The following UTRN variants were observed in gnomAD, a reference collection of about 807,000 sequenced individuals.
UTRN encodes utrophin, also known as dystrophin-related protein 1.
A neutral mutation model predicts 463.9 loss-of-function variants in UTRN; 283 were observed. The observed-to-expected ratio is 0.61, with a 90% CI of 0.55 to 0.67. UTRN has a LOEUF of 0.67. Ranked by LOEUF, UTRN falls within the 30% of genes least tolerant of loss-of-function variation. The pLI, the probability that UTRN is intolerant of heterozygous loss-of-function variation, is 0.00. For missense variants in UTRN, 3,922 were observed against 4,084.3 expected, an observed-to-expected ratio of 0.96 and a Z score of 1.08; for synonymous variants, 1,442 against 1,431.5, an observed-to-expected ratio of 1.01 and a Z score of -0.17.
intron 54 of UTRN, among the ~76,000 whole-genome samples, chr6:144,733,632 T>C (rs780116823): frequency 6.6e-6 from 1 of 152,204 alleles, no homozygotes; most frequent in Non-Finnish European, 1.5e-5. Context: ...ATTTTGGAAC[T>C]GTCTTGTCAT....
intron 33 of UTRN, among the ~76,000 whole-genome samples, chr6:144,494,556 G>A (rs1295621740): frequency 6.6e-6 from 1 of 152,186 alleles, no homozygotes; most frequent in Non-Finnish European, 1.5e-5. Context: ...GGCTCGCGCA[G>A]CCTGCTTTTA....
chr6:144,325,095 G>GAT (rs1562250571), intron 2 of UTRN, among the ~76,000 whole-genome samples: 1 of 152,180 alleles, frequency 6.6e-6, no homozygotes, highest in Admixed American at 6.5e-5. Flanking sequence ...GCATGGCAAG[G>GAT]CTCTGAATAG....
chr6:144,426,212 A>T, intron 6 of UTRN, 75 bp from the exon 7 acceptor site: 1 of 1,512,664 alleles, frequency 6.6e-7, no homozygotes. Flanking sequence ...TTGCTTTTTC[A>T]AGGACTTCAT....
chr6:144,568,395 G>C (rs1343061338), intron 50 of UTRN, among the ~76,000 whole-genome samples: 1 of 152,052 alleles, frequency 6.6e-6, no homozygotes, highest in East Asian at 1.9e-4. Flanking sequence ...AAATTCCTAA[G>C]CTTAAAATCA....
At chr6:144,470,370 C>T (rs1202767685) in intron 23 of UTRN, among the ~76,000 whole-genome samples, 1 of 150,630 alleles carries the variant, frequency 6.6e-6, no homozygotes, top group Non-Finnish European at 1.5e-5. Context: ...GGCGGAGGGG[C>T]TCCTCACTTA....
chr6:144,822,524 A>C (rs1779691596), intron 66 of UTRN, among the ~76,000 whole-genome samples: 2 of 152,254 alleles, frequency 1.3e-5, no homozygotes, highest in South Asian at 4.1e-4. Context: ...GTGTACAATT[A>C]AGATCTGTGT....
chr6:144,460,934 G>A (rs1431059947), intron 21 of UTRN, among the ~76,000 whole-genome samples: 2 of 152,180 alleles, frequency 1.3e-5, no homozygotes, highest in Non-Finnish European at 1.5e-5. Context: ...TCTTCAGAGA[G>A]ACATTTCATC....
At chr6:144,628,596 T>G (rs1157577643) in intron 51 of UTRN, among the ~76,000 whole-genome samples, 1 of 152,224 alleles carries the variant, frequency 6.6e-6, no homozygotes, top group East Asian at 1.9e-4. Flanking sequence ...ATGCTTTAGT[T>G]AAAGCTCCTT....
intron 65 of UTRN, among the ~76,000 whole-genome samples, chr6:144,805,009 G>A (rs1456809709): frequency 6.6e-6 from 1 of 152,068 alleles, no homozygotes; most frequent in Non-Finnish European, 1.5e-5. Flanking sequence ...CTAGGGATGT[G>A]GTCTTGAACT....
intron 34 of UTRN, among the ~76,000 whole-genome samples, chr6:144,500,674 T>C (rs1197790851): frequency 6.6e-6 from 1 of 152,192 alleles, no homozygotes; most frequent in Non-Finnish European, 1.5e-5. Context: ...CAATAAGTAA[T>C]CTTTCTATTG....
Position 144,554,728 on chromosome 6 carries a change from C to T in UTRN, c.6969C>T (p.Gly2323=), listed in dbSNP as rs554787092. ...ACCAGTGGGATGGCACCCAGCATGGCGTTGAGCTAAGACAGCAGCAGCTTG... is the reference window on the plus strand; with the variant it reads ...ACCAGTGGGATGGCACCCAGCATGGTGTTGAGCTAAGACAGCAGCAGCTTG... ...VKNQWDGTQH[G]VELRQQQLED... is the part of the protein sequence containing the mutation. Residue 2323 remains glycine, a synonymous_variant, in exon 49 of 75, where the codon GGC becomes GGT. Coordinates refer to ENST00000367545, the MANE Select transcript of UTRN (RefSeq NM_007124.3). 6.2e-6 allele frequency: 10 copies of T among 1,613,878 alleles called. No individual in the cohort carries two copies. The East Asian group carries it at 6.7e-5, about 11-fold the overall frequency.
chr6:144,487,753 C>A, intron 29 of UTRN, 56 bp downstream of exon 29: 3 of 1,492,678 alleles, frequency 2.0e-6, no homozygotes, highest in Non-Finnish European at 2.7e-6. Context: ...TGGAGCTGGC[C>A]CTAAGCTCCA....
At chr6:144,475,242 C>T (rs535922624) in intron 25 of UTRN, among the ~76,000 whole-genome samples, 1 of 152,164 alleles carries the variant, frequency 6.6e-6, no homozygotes, top group African/African-American at 2.4e-5. Context: ...ATAGGATGGT[C>T]AGGGAAGGAC....
Position 144,459,360 on chromosome 6 carries a change from C to T in UTRN, c.2707+6C>T. 1 of 1,572,662 alleles carries T rather than the reference C, an allele frequency of 6.4e-7. No homozygotes were observed. The highest frequency in any genetic ancestry group is 1.7e-4 in the Middle Eastern group (1 of 5,844). Reference sequence around the variant, plus strand: ...TCAACAACATCTAGAGAATGGTAAACCCAACAATTTTAAAATCTCCTGTCT... The same window carrying T: ...TCAACAACATCTAGAGAATGGTAAATCCAACAATTTTAAAATCTCCTGTCT... On this transcript the variant is annotated splice_donor_region_variant and intron_variant, in intron 21 of 74. Coordinates refer to ENST00000367545, the MANE Select transcript of UTRN (RefSeq NM_007124.3).
intron 51 of UTRN, among the ~76,000 whole-genome samples, chr6:144,611,572 T>C (rs998311930): frequency 1.3e-5 from 2 of 152,082 alleles, no homozygotes; most frequent in African/African-American, 4.8e-5. Flanking sequence ...TGACAAATTA[T>C]CCAAATAGAA....
chr6:144,664,385 C>T (rs371484716), intron 51 of UTRN, among the ~76,000 whole-genome samples: 6 of 151,792 alleles, frequency 4.0e-5, no homozygotes, highest in Non-Finnish European at 7.4e-5. Flanking sequence ...TTTGATTACA[C>T]GATCTGATTT....
At chr6:144,567,956 T>A (rs1010427072) in intron 50 of UTRN, among the ~76,000 whole-genome samples, 7 of 152,198 alleles carry the variant, frequency 4.6e-5, no homozygotes, top group African/African-American at 1.7e-4. Flanking sequence ...AAGTATTATT[T>A]AACATCTTTA....
chr6:144,840,734 T>C lies in UTRN; in HGVS notation c.10178-6T>C. ...GCTTTGTTGTTCTCTTTATTTGCTG[T>C]CACAGCGGGAGAGGACCTGCTGGCC... On this transcript the variant is annotated splice_polypyrimidine_tract_variant and splice_region_variant and intron_variant, in intron 72 of 74. Coordinates refer to ENST00000367545, the MANE Select transcript of UTRN (RefSeq NM_007124.3). 6.2e-7 allele frequency: 1 copy of C among 1,613,794 alleles called. No homozygotes were observed. The highest frequency in any genetic ancestry group is 1.7e-4 in the Middle Eastern group (1 of 6,058).
intron 53 of UTRN, among the ~76,000 whole-genome samples, chr6:144,711,667 T>C (rs770542449): frequency 6.6e-6 from 1 of 152,250 alleles, no homozygotes; most frequent in Admixed American, 6.5e-5. Flanking sequence ...GGAGCAATTA[T>C]CAGAGCTCTA....
Sources: gnomAD v4.1 joint callset for allele counts (sites outside exome capture counted in the v4.1 genomes callset) on GRCh38, gnomAD v4.1.1 for gene constraint, MANE v1.5 for transcripts, NCBI Gene and HGNC (gene_info 2026-07-23, HGNC 2026-07-21) for gene names.